ARHGAP11A: variants seen among roughly 807,000 people sequenced by gnomAD.
The protein encoded by ARHGAP11A is Rho GTPase activating protein 11A.
A neutral mutation model predicts 60.5 loss-of-function variants in ARHGAP11A; 36 were observed. That is an observed-to-expected ratio of 0.59 (90% confidence interval 0.46 to 0.79). The LOEUF is 0.79. Among genes scored for constraint, ARHGAP11A ranks in the 30% least tolerant of loss-of-function variants. The pLI is 0.00. For missense variants in ARHGAP11A, 1,071 were observed against 1,199.2 expected (o/e 0.89, Z 1.58); for synonymous variants, 362 against 415.5 (o/e 0.87, Z 1.57).
At chr15:32,622,729 C>T (rs2053366079) in intron 2 of ARHGAP11A, among the ~76,000 whole-genome samples, 1 of 151,698 alleles carries the variant, frequency 6.6e-6, no homozygotes, top group African/African-American at 2.4e-5. Context: ...GAGCACATTC[C>T]CCTTAATATG....
Position 32,637,095 on chromosome 15 carries a change from G to T in ARHGAP11A, c.2322G>T (p.Leu774Phe). 6.2e-7 allele frequency: 1 copy of T among 1,613,998 alleles called. No individual in the cohort carries two copies. Among genetic ancestry groups the T allele is most frequent in the South Asian group, 1.1e-5 (1 of 91,076 alleles). ...SQQSTCVVTNLSKPRPMRIAK... is the reference protein window; with the variant it reads ...SQQSTCVVTNFSKPRPMRIAK... ...AGAGTACATGTGTTGTAACAAACTT[G>T]TCAAAACCTAGGCCTATGAGAATTG... Residue 774 changes from leucine to phenylalanine, a missense_variant, in exon 12 of 12, where the codon TTG (leucine) becomes TTT (phenylalanine). Leu to Phe is a conservative substitution (Grantham distance 22). This residue lies in a region of ARHGAP11A where 776 missense variants were observed against 760.2 expected (regional missense o/e 1.02). Transcript: ENST00000361627.
intron 6 of ARHGAP11A, among the ~76,000 whole-genome samples, chr15:32,626,678 T>G (rs1003505804): frequency 2.0e-5 from 3 of 152,276 alleles, no homozygotes; most frequent in African/African-American, 7.2e-5. Flanking sequence ...TTCTGGAGGC[T>G]AGAAGTCTGA....
Position 32,619,236 on chromosome 15 carries a change from A to T in ARHGAP11A, c.130-872A>T, listed in dbSNP as rs574411624. On this transcript the variant is annotated intron_variant, in intron 1 of 11. Transcript: ENST00000361627. ...GCATTCACAGAGCAGATGCATGTAAACTAAATTAACATGTGAGATTATGCA... is the reference window on the plus strand; with the variant it reads ...GCATTCACAGAGCAGATGCATGTAATCTAAATTAACATGTGAGATTATGCA... Among the ~76,000 whole-genome samples the T allele has an allele frequency of 4.3e-4, 65 of 152,332 alleles. No homozygotes were observed. In the Middle Eastern group the frequency reaches 0.034, roughly 80 times the overall value.
chr15:32,627,532 A>G (rs192440220), intron 6 of ARHGAP11A, among the ~76,000 whole-genome samples: 1,844 of 152,006 alleles, frequency 0.012, 20 homozygotes, highest in Middle Eastern at 0.024. Flanking sequence ...GATCGAGACC[A>G]TCCTAGCTAA....
At chr15:32,633,696 T>C (rs1401888541) in intron 9 of ARHGAP11A, among the ~76,000 whole-genome samples, 1 of 152,224 alleles carries the variant, frequency 6.6e-6, no homozygotes, top group East Asian at 1.9e-4. Flanking sequence ...GCTAGCCTAT[T>C]CTAACAATTC....
intron 1 of ARHGAP11A, among the ~76,000 whole-genome samples, chr15:32,617,225 A>G (rs955022485): frequency 3.9e-5 from 6 of 152,188 alleles, no homozygotes; most frequent in Non-Finnish European, 7.3e-5. Context: ...TTCTTAAAAA[A>G]AGTGCTTGGA....
At chr15:32,619,554 G>A (rs1160989353) in intron 1 of ARHGAP11A, among the ~76,000 whole-genome samples, 1 of 151,464 alleles carries the variant, frequency 6.6e-6, no homozygotes, top group Non-Finnish European at 1.5e-5. Context: ...GGCATGGTTT[G>A]AAAAGCACTC....
At chr15:32,635,945 A>G in intron 11 of ARHGAP11A, 30 bp downstream of exon 11, 1 of 1,556,458 alleles carries the variant, frequency 6.4e-7, no homozygotes, top group Non-Finnish European at 8.7e-7. Context: ...TTAGAGTTTT[A>G]CCTAAAAATC....
In ARHGAP11A at chr15:32,637,761, A is replaced by G. The variant is rs1321352260; in HGVS notation, c.2988A>G (p.Arg996=). ...GGGTCCTTAGGAGACCATCAGAAAG[A>G]GGAAGGGCCTGGTACAAAGGTTCTC... The part of the protein sequence containing the change: ...NNRVLRRPSE[R]GRAWYKGSPK... The change falls in exon 12 of 12, where the codon AGA becomes AGG. Residue 996 remains arginine (R), a synonymous_variant. Transcript: ENST00000361627. The G allele has an allele frequency of 6.2e-7, 1 of 1,614,086 alleles. No individual in the cohort carries two copies. The highest frequency in any genetic ancestry group is 8.5e-7 in the Non-Finnish European group (1 of 1,179,986).
chr15:32,621,977 A>G (rs1228065379), intron 2 of ARHGAP11A, among the ~76,000 whole-genome samples: 1 of 152,312 alleles, frequency 6.6e-6, no homozygotes, highest in Non-Finnish European at 1.5e-5. Flanking sequence ...ATCCAAAAGC[A>G]ATTATCGAAC....
chr15:32,625,273 T>C (rs990327871), intron 5 of ARHGAP11A, 30 bp downstream of exon 5: 17 of 1,572,532 alleles, frequency 1.1e-5, no homozygotes, highest in Non-Finnish European at 1.5e-5. Context: ...TTAACAGAAT[T>C]TGTTTAAATG....
intron 1 of ARHGAP11A, among the ~76,000 whole-genome samples, chr15:32,618,047 A>G (rs548413814): frequency 6.6e-6 from 1 of 152,278 alleles, no homozygotes; most frequent in South Asian, 2.1e-4. Context: ...CTGCCTCCTA[A>G]TTGGTAATCA....
At chr15:32,632,353 A>T (rs1361194803) in intron 8 of ARHGAP11A, among the ~76,000 whole-genome samples, 2 of 152,232 alleles carry the variant, frequency 1.3e-5, no homozygotes, top group East Asian at 3.8e-4. Flanking sequence ...AATTATTTGC[A>T]TGGAACACAG....
intron 2 of ARHGAP11A, among the ~76,000 whole-genome samples, chr15:32,622,449 C>T (rs1342219455): frequency 4.6e-5 from 7 of 152,002 alleles, no homozygotes; most frequent in South Asian, 2.1e-4. Flanking sequence ...AGCAGATTTT[C>T]GGCGTCTGGA....
Position 32,636,316 on chromosome 15 carries a change from A to G in ARHGAP11A, c.1543A>G (p.Thr515Ala), listed in dbSNP as rs761598791. Residue 515 changes from threonine to alanine, a missense_variant, in exon 12 of 12, where the codon ACA becomes GCA. Physicochemically the swap from Thr to Ala is moderately conservative, Grantham distance 58. Transcript: ENST00000361627. ...ACTAACTCCAGAGCGACTAGTTGGA[A>G]CAAATTACCGGATGTCTTGGACAGG... ...TLLTPERLVG[T>A]NYRMSWTGPN... 1.2e-6 allele frequency: 2 copies of G among 1,613,536 alleles called. No individual in the cohort carries two copies. The highest frequency in any genetic ancestry group is 1.7e-6 in the Non-Finnish European group (2 of 1,179,826).
chr15:32,623,940 A>G (rs1462080129), intron 3 of ARHGAP11A, among the ~76,000 whole-genome samples: 1 of 152,048 alleles, frequency 6.6e-6, no homozygotes, highest in Non-Finnish European at 1.5e-5. Context: ...AGGCAGGAAG[A>G]TTGCTTGAGC....
chr15:32,625,094 A>G lies in ARHGAP11A; in HGVS notation c.566A>G (p.Lys189Arg), dbSNP rs886732556. 27 of 1,613,790 alleles carry G rather than the reference A, an allele frequency of 1.7e-5. No individual in the cohort carries two copies. Among genetic ancestry groups the G allele is most frequent in the Non-Finnish European group, 2.2e-5 (26 of 1,179,816 alleles). ...ATTCACTTAAGATCCAGTGAGAATA[A>G]GATGGACAGCAGCAATCTTGCAGTA... is the stretch of plus-strand genomic sequence containing the variant. Reference protein sequence around the residue: ...RNVSLRSSENKMDSSNLAVIF... With the variant: ...RNVSLRSSENRMDSSNLAVIF... Residue 189 changes from lysine (K) to arginine (R), a missense_variant, in exon 5 of 12, where the codon AAG becomes AGG. This residue lies in a region of ARHGAP11A where 196 missense variants were observed against 272.1 expected (regional missense o/e 0.72). Coordinates refer to ENST00000361627, the MANE Select transcript of ARHGAP11A (RefSeq NM_014783.6).
At position 32,636,292 on chromosome 15, in the gene ARHGAP11A, C is replaced by T. The variant is rs773779981; in HGVS notation, c.1519C>T (p.Leu507=). The change falls in exon 12 of 12, where the codon CTA becomes TTA. Residue 507 remains leucine (L), a synonymous_variant. Coordinates refer to ENST00000361627, the MANE Select transcript of ARHGAP11A (RefSeq NM_014783.6). The part of the protein sequence containing the change: ...EKISKSEETL[L]TPERLVGTNY... ...GATCAGTAAGTCTGAGGAAACCTTA[C>T]TAACTCCAGAGCGACTAGTTGGAAC... 6.8e-6 allele frequency: 11 copies of T among 1,610,332 alleles called. No homozygotes were observed. The Admixed American group carries it at 1.4e-4, about 20-fold the overall frequency.
At chr15:32,629,920 A>G (rs2053551328) in intron 8 of ARHGAP11A, among the ~76,000 whole-genome samples, 158 bp downstream of exon 8, 1 of 144,306 alleles carries the variant, frequency 6.9e-6, no homozygotes, top group Non-Finnish European at 1.5e-5. Flanking sequence ...CTGCCTTTTA[A>G]AATAGACACT....
Sources: gnomAD v4.1 joint callset for allele counts (sites outside exome capture counted in the v4.1 genomes callset) on GRCh38, gnomAD v4.1.1 for gene constraint, gnomAD v4.1.1 regional missense constraint, MANE v1.5 for transcripts, NCBI Gene and HGNC (gene_info 2026-07-23, HGNC 2026-07-21) for gene names.